GRM7: variants seen among roughly 807,000 people sequenced by gnomAD.
GRM7 encodes glutamate metabotropic receptor 7, also known as metabotropic glutamate receptor 7.
GRM7 carries 35 observed loss-of-function variants against 84.5 expected under a neutral mutation model. The observed-to-expected ratio is 0.41, with a 90% CI of 0.32 to 0.55. The LOEUF is 0.55. Ranked by LOEUF, GRM7 falls within the 20% of genes least tolerant of loss-of-function variation. The pLI is 0.19. For missense variants in GRM7, 1,003 were observed against 1,194.6 expected, an observed-to-expected ratio of 0.84 and a Z score of 2.36; for synonymous variants, 487 against 455.1, an observed-to-expected ratio of 1.07 and a Z score of -0.89.
chr3:7,111,768 G>A (rs1441021045), intron 1 of GRM7, among the ~76,000 whole-genome samples: 3 of 152,056 alleles, frequency 2.0e-5, no homozygotes, highest in Non-Finnish European at 4.4e-5. Flanking sequence ...TAGCTACCTG[G>A]TTGTCTTCAT....
intron 1 of GRM7, among the ~76,000 whole-genome samples, chr3:6,998,647 A>T (rs1354140982): frequency 6.6e-6 from 1 of 152,196 alleles, no homozygotes. Context: ...GTTTCCATAC[A>T]TCCTATGAAA....
chr3:7,139,945 A>G (rs1221049495), intron 1 of GRM7, among the ~76,000 whole-genome samples: 1 of 152,042 alleles, frequency 6.6e-6, no homozygotes, highest in South Asian at 2.1e-4. Context: ...CAAAATATAC[A>G]AAGAATTCAC....
intron 1 of GRM7, among the ~76,000 whole-genome samples, chr3:6,902,749 T>C (rs992497019): frequency 3.3e-5 from 5 of 152,076 alleles, no homozygotes; most frequent in African/African-American, 1.2e-4. Context: ...ACTTGTTTAT[T>C]CTTGACCTTC....
intron 6 of GRM7, among the ~76,000 whole-genome samples, chr3:7,459,008 T>G (rs898519310): frequency 3.3e-5 from 5 of 152,226 alleles, no homozygotes; most frequent in African/African-American, 1.2e-4. Flanking sequence ...TATTGATGTT[T>G]TTGTTGTCAT....
intron 5 of GRM7, among the ~76,000 whole-genome samples, chr3:7,423,053 T>C (rs1177269555): frequency 6.6e-6 from 1 of 152,140 alleles, no homozygotes; most frequent in Non-Finnish European, 1.5e-5. Flanking sequence ...GGTGTATAGA[T>C]GGACCCTGCA....
intron 1 of GRM7, among the ~76,000 whole-genome samples, chr3:6,898,109 G>GA (rs1212330562): frequency 6.6e-6 from 1 of 152,182 alleles, no homozygotes; most frequent in Non-Finnish European, 1.5e-5. Context: ...GGCCATGCGA[G>GA]ACATCCAGGG....
chr3:7,691,783 C>G (rs1700809212), intron 9 of GRM7, among the ~76,000 whole-genome samples: 1 of 152,132 alleles, frequency 6.6e-6, no homozygotes, highest in African/African-American at 2.4e-5. Context: ...GCCTCAGCCT[C>G]CCGAGTAGCT....
intron 1 of GRM7, among the ~76,000 whole-genome samples, chr3:6,895,443 T>C (rs1243307503): frequency 6.6e-6 from 1 of 152,196 alleles, no homozygotes; most frequent in Non-Finnish European, 1.5e-5. Flanking sequence ...TTTTCTGCCA[T>C]ATGGTAAGAA....
chr3:7,342,923 T>C (rs193234842), intron 4 of GRM7, among the ~76,000 whole-genome samples: 2 of 152,308 alleles, frequency 1.3e-5, no homozygotes, highest in East Asian at 3.9e-4. Flanking sequence ...AAATGCGGTA[T>C]AGTTAACCTC....
intron 2 of GRM7, among the ~76,000 whole-genome samples, chr3:7,249,587 G>T (rs1474294257): frequency 6.6e-6 from 1 of 152,072 alleles, no homozygotes; most frequent in Non-Finnish European, 1.5e-5. Flanking sequence ...AAACAAAATT[G>T]GATGTAGAAG....
chr3:6,927,486 A>AAAGAAAGAAAGAAAGAAAG (rs1697348086), intron 1 of GRM7, among the ~76,000 whole-genome samples: 1 of 122,544 alleles, frequency 8.2e-6, no homozygotes, highest in Non-Finnish European at 1.9e-5. Context: ...AGAAAGAAAG[A>AAAGAAAGAAAGAAAGAAAG]AAGAAAGAAA....
At chr3:7,261,463 C>T (rs937969886) in intron 2 of GRM7, among the ~76,000 whole-genome samples, 1 of 152,084 alleles carries the variant, frequency 6.6e-6, no homozygotes, top group African/African-American at 2.4e-5. Context: ...TTTCTCCATC[C>T]CTTTACTCTC....
intron 1 of GRM7, among the ~76,000 whole-genome samples, chr3:7,090,808 G>A (rs745413198): frequency 6.6e-6 from 1 of 151,830 alleles, no homozygotes; most frequent in Non-Finnish European, 1.5e-5. Context: ...TATCATACAT[G>A]GGTTGTTAAC....
At chr3:7,693,175 C>T (rs1025331822) in intron 9 of GRM7, among the ~76,000 whole-genome samples, 6 of 152,054 alleles carry the variant, frequency 3.9e-5, no homozygotes, top group Non-Finnish European at 7.4e-5. Flanking sequence ...TACTGGTCAT[C>T]CTGAGTGAAG....
chr3:7,229,760 T>TATATATATATATATATATATATATA (rs68069165), intron 2 of GRM7, among the ~76,000 whole-genome samples: 8 of 23,608 alleles, frequency 3.4e-4, no homozygotes, highest in Non-Finnish European at 5.6e-4. Context: ...TATATATATA[T>TATATATATATATATATATATATATA]TTTTTTTTTT....
intron 4 of GRM7, among the ~76,000 whole-genome samples, chr3:7,343,454 T>C (rs1692739069): frequency 6.6e-6 from 1 of 152,054 alleles, no homozygotes; most frequent in African/African-American, 2.4e-5. Flanking sequence ...GCTCAAGCAA[T>C]CCTCACACCT....
At chr3:7,659,305 G>A (rs1699331933) in intron 8 of GRM7, among the ~76,000 whole-genome samples, 2 of 152,288 alleles carry the variant, frequency 1.3e-5, no homozygotes, top group South Asian at 4.1e-4. Context: ...CCTGTGAGTT[G>A]GAGGGAATGT....
At chr3:7,648,155 T>C (rs1406983123) in intron 8 of GRM7, among the ~76,000 whole-genome samples, 1 of 152,036 alleles carries the variant, frequency 6.6e-6, no homozygotes, top group Non-Finnish European at 1.5e-5. Flanking sequence ...TTAAGAGTTT[T>C]GGGGGCTCCC....
intron 4 of GRM7, among the ~76,000 whole-genome samples, chr3:7,358,300 A>C (rs1360748220): frequency 6.6e-6 from 1 of 152,136 alleles, no homozygotes; most frequent in Non-Finnish European, 1.5e-5. Context: ...GGCAGACTAA[A>C]TTACAAAAAT....
Sources: allele counts gnomAD v4.1 joint callset (sites outside exome capture counted in the v4.1 genomes callset), GRCh38; gene constraint gnomAD v4.1.1; transcripts MANE v1.5; gene names NCBI Gene and HGNC (gene_info 2026-07-23, HGNC 2026-07-21).